The following ATAD1 variants were observed in gnomAD, a reference collection of about 807,000 sequenced individuals.
The protein encoded by ATAD1 is ATPase family AAA domain containing 1, also known as outer mitochondrial transmembrane helix translocase.
A neutral mutation model predicts 42.7 loss-of-function variants in ATAD1; 18 were observed. The ratio of observed to expected loss-of-function variants is 0.42; its 90% confidence interval spans 0.29 to 0.63. ATAD1 has a LOEUF of 0.63. ATAD1 is among the 20% of genes least tolerant of loss of function. ATAD1 has a pLI of 0.19. For synonymous variants in ATAD1, 132 were observed against 143.1 expected, an observed-to-expected ratio of 0.92 and a Z score of 0.55; for missense variants, 294 against 440.4, an observed-to-expected ratio of 0.67 and a Z score of 2.98.
At chr10:87,795,601 C>T (rs1856348237) in intron 2 of ATAD1, among the ~76,000 whole-genome samples, 1 of 151,800 alleles carries the variant, frequency 6.6e-6, no homozygotes. Flanking sequence ...ATTTTTTTGA[C>T]TGTTCCAAAT....
chr10:87,815,162 C>G (rs1017538954), intron 1 of ATAD1, among the ~76,000 whole-genome samples: 1 of 152,046 alleles, frequency 6.6e-6, no homozygotes, highest in Admixed American at 6.6e-5. Flanking sequence ...GTGGTATTAA[C>G]TTTTTTGAGC....
At position 87,755,471 on chromosome 10, in the gene ATAD1, T is replaced by C. The variant is rs188485370; in HGVS notation, c.966-664A>G. 2.4e-4 allele frequency among the ~76,000 whole-genome samples: 37 copies of C among 152,290 alleles called. 1 individual carries two copies. Among genetic ancestry groups the C allele is most frequent in the Non-Finnish European group, 1.5e-5 (1 of 68,018 alleles). ...TATAAAATATGAAATTCAGGAAATA[T>C]AAAACTAGCCAGACTTTTCATACTG... On this transcript the variant is annotated intron_variant, in intron 9 of 9. Coordinates refer to ENST00000680024, the MANE Select transcript of ATAD1 (RefSeq NM_001321967.2).
intron 1 of ATAD1, 145 bp downstream of exon 1, chr10:87,818,022 G>T: frequency 1.0e-6 from 1 of 985,818 alleles, no homozygotes. Flanking sequence ...GCTGCGGGGC[G>T]CTTGGGGGCG....
chr10:87,818,225 G>T lies in ATAD1; in HGVS notation c.-72C>A. The T allele has an allele frequency of 1.0e-6, 1 of 985,544 alleles. No individual in the cohort carries two copies. The highest frequency in any genetic ancestry group is 4.7e-5 in the South Asian group (1 of 21,294). The allele number at this position is 985,544 out of a possible 1,614,324, so 61.0% of individuals were successfully genotyped here. ...AGCCGGCCTCACACAGGAAGGAAAC[G>T]CAACCTGGGAGAGAACGCTTCCGGC... On this transcript the variant is annotated 5_prime_UTR_variant, in exon 1 of 10. Coordinates refer to ENST00000680024, the MANE Select transcript of ATAD1 (RefSeq NM_001321967.2).
At position 87,797,364 on chromosome 10, in the gene ATAD1, G is replaced by T. The variant is rs186074919; in HGVS notation, c.163-4609C>A. Among the ~76,000 whole-genome samples, 7 of 152,164 alleles carry T rather than the reference G, an allele frequency of 4.6e-5. No individual in the cohort carries two copies. In the East Asian group the frequency reaches 1.2e-3, roughly 25 times the overall value. ...ACAAAAATCCATGCGCTTGGTTTCTGTGTTTGCTTACTGTCTTAAAAAAAC... is the reference window on the plus strand; with the variant it reads ...ACAAAAATCCATGCGCTTGGTTTCTTTGTTTGCTTACTGTCTTAAAAAAAC... On this transcript the variant is annotated intron_variant, in intron 2 of 9. Coordinates refer to ENST00000680024, the MANE Select transcript of ATAD1 (RefSeq NM_001321967.2).
rs1854031856 is a variant in ATAD1, at chr10:87,751,791, A to G, written c.*2896T>C. On this transcript the variant is annotated 3_prime_UTR_variant, in exon 10 of 10. Coordinates refer to ENST00000680024, the MANE Select transcript of ATAD1 (RefSeq NM_001321967.2). ...TTTCAGCCATGCACTATATATATTC[A>G]GCATATCAGAATTCTGTTCAATATT... 1 of 152,216 alleles carries G rather than the reference A, an allele frequency of 6.6e-6. No homozygotes were observed. The highest frequency in any genetic ancestry group is 2.4e-5 in the African/African-American group (1 of 41,454). 9.4% of individuals were successfully genotyped at this position (152,216 alleles called of 1,614,324 possible).
rs983466532 is a variant in ATAD1 at position 87,809,422 on chromosome 10, G to A, written c.162+5016C>T. ...TTCATCCTCATCATCTTCATGTTGA[G>A]TAGCGTGAGGAAGAGAGGTTGGTCT... is the stretch of plus-strand genomic sequence containing the variant. On this transcript the variant is annotated intron_variant, in intron 2 of 9. Transcript: ENST00000680024. 7.9e-5 allele frequency among the ~76,000 whole-genome samples: 12 copies of A among 152,040 alleles called. No individual in the cohort carries two copies. The South Asian group carries it at 1.0e-3, about 13-fold the overall frequency.
At chr10:87,799,204 A>G (rs1008950256) in intron 2 of ATAD1, among the ~76,000 whole-genome samples, 1 of 152,226 alleles carries the variant, frequency 6.6e-6, no homozygotes, top group African/African-American at 2.4e-5. Context: ...TTTATTAATC[A>G]AGCAATTTCA....
intron 8 of ATAD1, among the ~76,000 whole-genome samples, chr10:87,757,321 T>A (rs1307459759): frequency 2.0e-5 from 3 of 151,754 alleles, no homozygotes; most frequent in African/African-American, 7.3e-5. Context: ...ATTGTAATGC[T>A]TGGTATTCTA....
chr10:87,814,286 T>TTG, intron 2 of ATAD1, 152 bp downstream of exon 2: 1 of 582,322 alleles, frequency 1.7e-6, no homozygotes, highest in Non-Finnish European at 2.7e-6. Context: ...AACTAGTACT[T>TTG]TGTAAGAGTA....
chr10:87,777,086 T>C (rs760685558), intron 5 of ATAD1, among the ~76,000 whole-genome samples: 1 of 152,198 alleles, frequency 6.6e-6, no homozygotes, highest in Non-Finnish European at 1.5e-5. Context: ...TAATTTTTGT[T>C]TCTTCTCTAA....
At chr10:87,836,399 TC>T (rs1454464718) in intron 1 of ATAD1, among the ~76,000 whole-genome samples, 4 of 152,324 alleles carry the variant, frequency 2.6e-5, no homozygotes, top group African/African-American at 7.2e-5. Flanking sequence ...TTTGTTTTCC[TC>T]CCCCAAGAAT....
chr10:87,781,953 GTT>G lies in ATAD1; in HGVS notation c.583+2515_583+2516del, dbSNP rs11313347. Among the ~76,000 whole-genome samples the G allele has an allele frequency of 3.3e-3, 490 of 148,052 alleles. 6 individuals carry two copies. In the Middle Eastern group the frequency reaches 0.079, roughly 24 times the overall value. ...AGCCACCACACCTGGCCTGAGAATT[GTT>G]TTTTTTTTTAATGGGAACATTGCAA... On this transcript the variant is annotated intron_variant, in intron 5 of 9. Coordinates refer to ENST00000680024, the MANE Select transcript of ATAD1 (RefSeq NM_001321967.2).
chr10:87,808,873 G>A (rs1401753920), intron 2 of ATAD1, among the ~76,000 whole-genome samples: 1 of 152,092 alleles, frequency 6.6e-6, no homozygotes, highest in Non-Finnish European at 1.5e-5. Context: ...ACTACTATAG[G>A]TTTTAGAACT....
At chr10:87,829,801 T>C (rs1857796754) in intron 1 of ATAD1, among the ~76,000 whole-genome samples, 1 of 152,186 alleles carries the variant, frequency 6.6e-6, no homozygotes, top group Non-Finnish European at 1.5e-5. Flanking sequence ...CTGCTTCTTA[T>C]GAATGAGCAA....
chr10:87,817,730 C>A (rs1398406424), intron 1 of ATAD1: 1 of 985,284 alleles, frequency 1.0e-6, no homozygotes, highest in Non-Finnish European at 1.2e-6. Flanking sequence ...GAAAGCGTGC[C>A]CGGCCCTGAA....
At chr10:87,829,142 A>G (rs1857781356) in intron 1 of ATAD1, among the ~76,000 whole-genome samples, 1 of 152,176 alleles carries the variant, frequency 6.6e-6, no homozygotes, top group Non-Finnish European at 1.5e-5. Context: ...TACATTTTAT[A>G]AGGCTATAGC....
upstream of ATAD1, chr10:87,818,864 G>C (rs1857555873): frequency 6.6e-6 from 1 of 152,256 alleles, no homozygotes; most frequent in Non-Finnish European, 1.5e-5. Context: ...TTGCATTTTG[G>C]TGATTTCCCT....
chr10:87,813,817 T>C (rs1857292856), intron 2 of ATAD1, among the ~76,000 whole-genome samples: 1 of 151,932 alleles, frequency 6.6e-6, no homozygotes, highest in African/African-American at 2.4e-5. Context: ...TATTAATTAT[T>C]GTTTAAAAAA....
Sources: gnomAD v4.1 joint callset for allele counts (sites outside exome capture counted in the v4.1 genomes callset) on GRCh38, gnomAD v4.1.1 for gene constraint, MANE v1.5 for transcripts, NCBI Gene and HGNC (gene_info 2026-07-23, HGNC 2026-07-21) for gene names.